The following CELF2 variants were observed in gnomAD, a reference collection of about 807,000 sequenced individuals.
CELF2 encodes the protein CUGBP Elav-like family member 2, also known as CUG triplet repeat RNA-binding protein 2.
A neutral mutation model predicts 62.6 loss-of-function variants in CELF2; 8 were observed. That is an observed-to-expected ratio of 0.13 (90% CI 0.07 to 0.23). The LOEUF is 0.23. Ranked by LOEUF, CELF2 falls within the 10% of genes least tolerant of loss-of-function variation. The pLI, the probability that CELF2 is intolerant of heterozygous loss-of-function variation, is 1.00. For missense variants in CELF2, 333 were observed against 671.0 expected, an observed-to-expected ratio of 0.50 and a Z score of 5.56; for synonymous variants, 258 against 250.0, an observed-to-expected ratio of 1.03 and a Z score of -0.30.
rs537470396 is a variant in CELF2 at position 11,217,338 on chromosome 10, A to G, written c.272-87A>G. On this transcript the variant is annotated intron_variant, in intron 2 of 12. Transcript: ENST00000633077. This position sits in a 1 kb window ranked among gnomAD's most constrained non-coding sequence, Gnocchi z 5.6. ...TATTTTTAAATTGTGCGTCCTTTTA[A>G]GTAGATTGTTTGTTCGCCACAGTCT... 3.5e-5 allele frequency: 30 copies of G among 845,190 alleles called. No individual in the cohort carries two copies. In the East Asian group the frequency reaches 7.4e-4, roughly 21 times the overall value. 52.4% of individuals were successfully genotyped at this position (845,190 alleles called of 1,614,324 possible).
At chr10:10,773,505 A>G in the CELF2 span, among the ~76,000 whole-genome samples, 1 of 152,186 alleles carries the variant, frequency 6.6e-6, no homozygotes, top group African/African-American at 2.4e-5. Flanking sequence ...AAAGTTTAGC[A>G]TGTTGTATGG....
At chr10:10,536,991 A>G in the CELF2 span, among the ~76,000 whole-genome samples, 1 of 152,182 alleles carries the variant, frequency 6.6e-6, no homozygotes, top group African/African-American at 2.4e-5. Flanking sequence ...AACAAACAGC[A>G]AATTGGACAA....
At chr10:10,642,253 C>T in the CELF2 span, among the ~76,000 whole-genome samples, 4 of 152,176 alleles carry the variant, frequency 2.6e-5, no homozygotes, top group African/African-American at 9.7e-5. Flanking sequence ...TTATTGCCTG[C>T]CCAGTAGTTT....
At chr10:10,528,875 C>T in the CELF2 span, among the ~76,000 whole-genome samples, 1,727 of 152,136 alleles carry the variant, frequency 0.011, 46 homozygotes, top group East Asian at 0.076. Flanking sequence ...TATTTTGACG[C>T]GATTATTTAC....
intron 2 of CELF2, among the ~76,000 whole-genome samples, chr10:10,930,324 T>C (rs757451417): frequency 1.4e-4 from 22 of 152,248 alleles, no homozygotes; most frequent in Non-Finnish European, 2.1e-4. Context: ...TATAAGAGGA[T>C]AGCAAAGACA....
the CELF2 span, among the ~76,000 whole-genome samples, chr10:10,474,157 C>T: frequency 6.6e-6 from 1 of 151,772 alleles, no homozygotes; most frequent in African/African-American, 2.4e-5. Context: ...AAAATAGTAC[C>T]ATAGGCCAGG....
chr10:11,025,231 G>GTATATA (rs776890125), intron 1 of CELF2, among the ~76,000 whole-genome samples: 4 of 46,302 alleles, frequency 8.6e-5, no homozygotes, highest in Non-Finnish European at 3.2e-4. Flanking sequence ...GTGTGTGTGT[G>GTATATA]TGTGTGTGTA....
the CELF2 span, among the ~76,000 whole-genome samples, chr10:10,793,324 T>G: frequency 6.6e-6 from 1 of 152,232 alleles, no homozygotes; most frequent in Non-Finnish European, 1.5e-5. Context: ...AAAAGCCATC[T>G]TTGAAAGTTT....
intron 1 of CELF2, among the ~76,000 whole-genome samples, chr10:11,092,630 C>T (rs990096441): frequency 2.6e-5 from 4 of 152,188 alleles, no homozygotes; most frequent in African/African-American, 9.7e-5. Context: ...CTTAACAAGG[C>T]TTGTTTGTTC....
chr10:10,520,450 C>T, the CELF2 span, among the ~76,000 whole-genome samples: 2 of 152,120 alleles, frequency 1.3e-5, no homozygotes, highest in African/African-American at 2.4e-5. Flanking sequence ...CCACAAGAGC[C>T]AAATATTCCT....
intron 1 of CELF2, among the ~76,000 whole-genome samples, chr10:10,837,674 C>T (rs1038517003): frequency 6.6e-6 from 1 of 152,094 alleles, no homozygotes; most frequent in Non-Finnish European, 1.5e-5. Flanking sequence ...GGTGACATTC[C>T]CCACTCAATT....
At chr10:11,148,432 A>G (rs953104562) in intron 1 of CELF2, among the ~76,000 whole-genome samples, 6 of 152,184 alleles carry the variant, frequency 3.9e-5, no homozygotes, top group Non-Finnish European at 8.8e-5. Context: ...TTTTTCTCCT[A>G]TCTTTAACCA....
the CELF2 span, among the ~76,000 whole-genome samples, chr10:10,694,524 A>C: frequency 6.6e-6 from 1 of 152,158 alleles, no homozygotes; most frequent in Non-Finnish European, 1.5e-5. Context: ...GATGTCTACT[A>C]GGTCTGCTTG....
rs11415164 is a variant in CELF2, at chr10:10,924,281, C to CAAAAAAAAA, written c.89+4303_89+4311dup. Among the ~76,000 whole-genome samples the CAAAAAAAAA allele has an allele frequency of 3.3e-4, 15 of 45,098 alleles. 2 individuals are homozygous for CAAAAAAAAA. The highest frequency in any genetic ancestry group is 7.0e-4 in the East Asian group (1 of 1,420). The allele number at this position is 45,098 out of a possible 152,430, so 29.6% of individuals were successfully genotyped here. ...TGGGCAACACAGCGAGACTCCGTCC[C>CAAAAAAAAA]AAAAAAAAAAAAAAAAAAAAAAAAA... On this transcript the variant is annotated intron_variant, in intron 2 of 13. Transcript: ENST00000636488.
intron 1 of CELF2, among the ~76,000 whole-genome samples, chr10:10,911,117 A>C (rs1343935511): frequency 1.3e-5 from 2 of 152,190 alleles, no homozygotes; most frequent in African/African-American, 4.8e-5. Flanking sequence ...GCTGCGTCTG[A>C]AGAGGACATT....
chr10:10,814,241 G>C (rs1037063865), intron 1 of CELF2, among the ~76,000 whole-genome samples: 2 of 43,992 alleles, frequency 4.5e-5, no homozygotes, highest in Non-Finnish European at 9.1e-5. Context: ...AAAAAAAAAA[G>C]CTGCTCTAAA....
At chr10:10,691,001 T>C in the CELF2 span, among the ~76,000 whole-genome samples, 13 of 139,566 alleles carry the variant, frequency 9.3e-5, no homozygotes, top group Non-Finnish European at 1.6e-4. Context: ...CCTAGGATTA[T>C]GGTGATTTTT....
chr10:10,996,484 G>A (rs73571651), intron 2 of CELF2, among the ~76,000 whole-genome samples: 1 of 152,134 alleles, frequency 6.6e-6, no homozygotes, highest in African/African-American at 2.4e-5. Context: ...GGCTGCCTTC[G>A]TGGGTTACTG....
chr10:10,916,188 A>C (rs1407779892), intron 1 of CELF2, among the ~76,000 whole-genome samples: 1 of 152,244 alleles, frequency 6.6e-6, no homozygotes, highest in Non-Finnish European at 1.5e-5. Flanking sequence ...GTAAACAGAT[A>C]AAAACAAACA....
Sources: allele counts gnomAD v4.1 joint callset (sites outside exome capture counted in the v4.1 genomes callset), GRCh38; gene constraint gnomAD v4.1.1; non-coding constraint Gnocchi (gnomAD v3.1); transcripts MANE v1.5; gene names NCBI Gene and HGNC (gene_info 2026-07-23, HGNC 2026-07-21).